RRM2: variants seen among roughly 807,000 people sequenced by gnomAD.
RRM2 encodes the protein ribonucleoside-diphosphate reductase subunit M2.
RRM2 carries 6 observed loss-of-function variants against 45.9 expected under a neutral mutation model. The ratio of observed to expected loss-of-function variants is 0.13; its 90% CI spans 0.07 to 0.26. The LOEUF (loss-of-function observed/expected upper bound fraction) is 0.26. Ranked by LOEUF, RRM2 falls within the 10% of genes least tolerant of loss-of-function variation. The pLI is 1.00. For missense variants in RRM2, 343 were observed against 489.5 expected (o/e 0.70, Z 2.82); for synonymous variants, 177 against 173.0 (o/e 1.02, Z -0.18).
chr2:10,137,967 C>A (rs1040114359), upstream of RRM2, among the ~76,000 whole-genome samples: 1 of 152,082 alleles, frequency 6.6e-6, no homozygotes, highest in East Asian at 1.9e-4. Flanking sequence ...GTGCAGGGGC[C>A]GCTGCAGCAA....
Position 10,128,838 on chromosome 2 carries a change from T to A in RRM2, c.799-10T>A, listed in dbSNP as rs757410902. The A allele has an allele frequency of 6.2e-7, 1 of 1,609,912 alleles. No individual in the cohort carries two copies. Among genetic ancestry groups the A allele is most frequent in the South Asian group, 1.1e-5 (1 of 90,824 alleles). ...TTCTGGCTTTAGTGATCTTGAACTT[T>A]TTTTTCTAGGGTTTACACTGTGATT... On this transcript the variant is annotated splice_polypyrimidine_tract_variant and intron_variant, in intron 7 of 9. Transcript: ENST00000304567.
upstream of RRM2, among the ~76,000 whole-genome samples, chr2:10,138,494 G>T (rs1190025989): frequency 6.6e-6 from 1 of 152,040 alleles, no homozygotes; most frequent in Admixed American, 6.6e-5. Context: ...GTAGAGACTG[G>T]GTTTCACCAT....
intron 3 of RRM2, chr2:10,146,076 C>T (rs1388341942): frequency 6.6e-6 from 1 of 152,288 alleles, no homozygotes; most frequent in East Asian, 1.9e-4. Flanking sequence ...TCATCCTGGG[C>T]ACCCTGCACC....
intron 3 of RRM2, among the ~76,000 whole-genome samples, chr2:10,173,832 T>C (rs1489918375): frequency 6.6e-6 from 1 of 152,226 alleles, no homozygotes; most frequent in Non-Finnish European, 1.5e-5. Context: ...GCCCTTGGCC[T>C]GGCGCGGGCT....
intron 3 of RRM2, among the ~76,000 whole-genome samples, chr2:10,158,069 T>A (rs556982800): frequency 6.6e-6 from 1 of 152,338 alleles, no homozygotes; most frequent in South Asian, 2.1e-4. Context: ...CAAACACCTC[T>A]GGTCATCTTC....
At chr2:10,196,208 C>T (rs1664410698) in intron 3 of RRM2, among the ~76,000 whole-genome samples, 2 of 152,284 alleles carry the variant, frequency 1.3e-5, no homozygotes, top group South Asian at 2.1e-4. Context: ...AGCTTCAGAC[C>T]CGTGTGAAGA....
chr2:10,150,722 G>A (rs1003373670), intron 3 of RRM2, among the ~76,000 whole-genome samples: 5 of 139,888 alleles, frequency 3.6e-5, no homozygotes, highest in Non-Finnish European at 6.1e-5. Flanking sequence ...CGTCGCCAGA[G>A]TTTACATTTT....
chr2:10,133,819 G>A (rs1479522948), downstream of RRM2, among the ~76,000 whole-genome samples: 2 of 151,916 alleles, frequency 1.3e-5, no homozygotes, highest in Non-Finnish European at 2.9e-5. Flanking sequence ...CCAGCAAGGT[G>A]GTGGACTAAG....
chr2:10,195,805 C>A lies in RRM2; in HGVS notation n.483-14506C>A, dbSNP rs1664403129. ...ACTGGTTGCCACAGGTAAGTAGTGA[C>A]CTGGCCTGGCCGATGCTGTGTTAGG... On this transcript the variant is annotated intron_variant and non_coding_transcript_variant, in intron 3 of 3. Transcript: ENST00000381786. This position sits in a 1 kb window ranked among gnomAD's most constrained non-coding sequence, Gnocchi z 4.9. 6.6e-6 allele frequency among the ~76,000 whole-genome samples: 1 copy of A among 152,118 alleles called. No homozygotes were observed. Among genetic ancestry groups the A allele is most frequent in the African/African-American group, 2.4e-5 (1 of 41,412 alleles).
At chr2:10,123,179 C>T (rs1030701860) in intron 2 of RRM2, 122 bp downstream of exon 2, 1 of 1,306,260 alleles carries the variant, frequency 7.7e-7, no homozygotes, top group African/African-American at 1.5e-5. Flanking sequence ...TAGGCGGCCC[C>T]TCCCCAGGGC....
intron 3 of RRM2, among the ~76,000 whole-genome samples, chr2:10,164,789 C>G (rs1299864795): frequency 6.6e-6 from 1 of 152,184 alleles, no homozygotes; most frequent in Non-Finnish European, 1.5e-5. Flanking sequence ...AGGGCCCCCA[C>G]TGCCCCTCCC....
rs555525216 is a variant in RRM2, at chr2:10,210,993, G to A, written n.1165G>A. 5.3e-4 allele frequency: 98 copies of A among 185,464 alleles called. 1 individual carries two copies. Among genetic ancestry groups the A allele is most frequent in the Admixed American group, 6.7e-4 (12 of 18,028 alleles). The allele number at this position is 185,464 out of a possible 1,614,324, so 11.5% of individuals were successfully genotyped here. On this transcript the variant is annotated non_coding_transcript_exon_variant, in exon 4 of 4. Coordinates refer to the RRM2 transcript ENST00000381786. ...CCAGAGCTGTGAGAAATAAATTTCT[G>A]TTGTTTAAGGCACTCAATATTTTGT...
upstream of RRM2, among the ~76,000 whole-genome samples, chr2:10,140,568 G>A (rs1299487718): frequency 6.6e-6 from 1 of 152,170 alleles, no homozygotes; most frequent in Non-Finnish European, 1.5e-5. Context: ...TCAGAGAGCC[G>A]GTTATTAATG....
intron 3 of RRM2, among the ~76,000 whole-genome samples, chr2:10,176,124 G>A (rs1663909396): frequency 6.6e-6 from 1 of 152,122 alleles, no homozygotes; most frequent in South Asian, 2.1e-4. Context: ...GTGGACACTG[G>A]GTAGCATCTG....
chr2:10,190,137 ATGG>A (rs1198129612), intron 3 of RRM2, among the ~76,000 whole-genome samples: 1 of 146,756 alleles, frequency 6.8e-6, no homozygotes, highest in Non-Finnish European at 1.5e-5. Flanking sequence ...GATGATGGTG[ATGG>A]TGGTGATGGT....
At chr2:10,184,806 C>CA (rs772723780) in intron 3 of RRM2, among the ~76,000 whole-genome samples, 2 of 152,248 alleles carry the variant, frequency 1.3e-5, no homozygotes, top group Admixed American at 6.5e-5. Flanking sequence ...CTCAACCATC[C>CA]ACTTCTTGTG....
chr2:10,143,717 T>A (rs1663134157), intron 3 of RRM2, among the ~76,000 whole-genome samples: 1 of 151,956 alleles, frequency 6.6e-6, no homozygotes, highest in Non-Finnish European at 1.5e-5. Context: ...TGTCGCCAGG[T>A]GGTACAGTGG....
chr2:10,122,765 C>G lies in RRM2; in HGVS notation c.-34C>G, dbSNP rs68002429. ...TGCACCCTGTCCCAGCCGTCCTGTC[C>G]TGGCTGCTCGCTCTGCTTCGCTGCG... On this transcript the variant is annotated 5_prime_UTR_variant, in exon 1 of 10. Transcript: ENST00000304567. The G allele has an allele frequency of 7.7e-6, 12 of 1,563,284 alleles. No individual in the cohort carries two copies. Among genetic ancestry groups the G allele is most frequent in the Non-Finnish European group, 9.5e-6 (11 of 1,154,372 alleles).
intron 7 of RRM2, 101 bp from the exon 8 acceptor site, chr2:10,128,747 A>G (rs1048499464): frequency 2.5e-6 from 2 of 814,200 alleles, no homozygotes; most frequent in South Asian, 1.5e-5. Flanking sequence ...ATGGCTGAGC[A>G]TGTTGGATAA....
Sources: gnomAD v4.1 joint callset for allele counts (sites outside exome capture counted in the v4.1 genomes callset) on GRCh38, gnomAD v4.1.1 for gene constraint, Gnocchi (gnomAD v3.1) non-coding constraint, MANE v1.5 for transcripts, NCBI Gene and HGNC (gene_info 2026-07-23, HGNC 2026-07-21) for gene names.